Variants in MAN1C1 observed in about 807,000 individuals in gnomAD.
MAN1C1 encodes the protein mannosyl-oligosaccharide 1,2-alpha-mannosidase IC.
MAN1C1 carries 49 observed loss-of-function variants against 71.5 expected under a neutral mutation model. The observed-to-expected ratio is 0.69, with a 90% CI of 0.54 to 0.87. MAN1C1 has a LOEUF of 0.87. Ranked by LOEUF, MAN1C1 falls within the 40% of genes least tolerant of loss-of-function variation. The probability of loss-of-function intolerance (pLI) is 0.00; values close to 1 mark genes in which losing one functional copy is unlikely to be tolerated. For missense variants in MAN1C1, 743 were observed against 835.0 expected (o/e 0.89, Z 1.36); for synonymous variants, 352 against 343.7 (o/e 1.02, Z -0.27).
intron 1 of MAN1C1, among the ~76,000 whole-genome samples, chr1:25,664,062 A>T (rs1258424151): frequency 6.6e-6 from 1 of 151,958 alleles, no homozygotes; most frequent in Non-Finnish European, 1.5e-5. Context: ...CAGAAGGGGG[A>T]TGATCAGGGA....
At chr1:25,653,069 T>C (rs2045716312) in intron 1 of MAN1C1, among the ~76,000 whole-genome samples, 1 of 151,928 alleles carries the variant, frequency 6.6e-6, no homozygotes, top group African/African-American at 2.4e-5. Flanking sequence ...TCCAGCCTGT[T>C]TTTTTGTTTT....
intron 2 of MAN1C1, among the ~76,000 whole-genome samples, chr1:25,737,989 C>T (rs2047006167): frequency 6.6e-6 from 1 of 152,074 alleles, no homozygotes; most frequent in African/African-American, 2.4e-5. Context: ...GTTCTGCACG[C>T]TGTGTCCAGG....
rs139260749 is a variant in MAN1C1 at position 25,782,689 on chromosome 1, G to A, written c.1755G>A (p.Ala585=). The A allele has an allele frequency of 2.4e-5, 38 of 1,613,490 alleles. No individual in the cohort carries two copies. The highest frequency in any genetic ancestry group is 1.6e-4 in the Middle Eastern group (1 of 6,084). Residue 585 remains alanine (A), a synonymous_variant, in exon 11 of 12, where the codon GCG becomes GCA. Transcript: ENST00000374332. The surrounding 1 kb of genome is among the most constrained non-coding windows in gnomAD (Gnocchi z 4.4). ...HDNKQQSFFL[A]ETLKYLYLLF... ...ACAAGCAGCAGAGCTTCTTTCTAGC[G>A]GAGACACTAAAGTGAGCAGTGTGGG...
At chr1:25,693,107 T>G (rs1218245842) in intron 2 of MAN1C1, among the ~76,000 whole-genome samples, 1 of 152,184 alleles carries the variant, frequency 6.6e-6, no homozygotes, top group Non-Finnish European at 1.5e-5. Flanking sequence ...TAATAAAAAG[T>G]TAATACATAT....
chr1:25,748,076 C>A (rs1379199821), intron 3 of MAN1C1, among the ~76,000 whole-genome samples: 1 of 151,852 alleles, frequency 6.6e-6, no homozygotes, highest in Non-Finnish European at 1.5e-5. Flanking sequence ...TCCCCATAGG[C>A]CTGCCTCGTT....
intron 1 of MAN1C1, among the ~76,000 whole-genome samples, chr1:25,635,798 A>G (rs1431047037): frequency 6.6e-6 from 1 of 152,076 alleles, no homozygotes; most frequent in Non-Finnish European, 1.5e-5. Flanking sequence ...TCCTTCTTTA[A>G]TTCCTGTTAT....
chr1:25,777,149 A>G (rs1291860456), intron 8 of MAN1C1, among the ~76,000 whole-genome samples: 1 of 152,200 alleles, frequency 6.6e-6, no homozygotes, highest in South Asian at 2.1e-4. Flanking sequence ...GGTTCTAAGC[A>G]GGCAGATGAT....
intron 2 of MAN1C1, among the ~76,000 whole-genome samples, chr1:25,729,268 A>C (rs1298321581): frequency 2.0e-5 from 3 of 152,080 alleles, no homozygotes; most frequent in Non-Finnish European, 2.9e-5. Flanking sequence ...TCTGCCTGGA[A>C]TGTCCCCCCT....
chr1:25,765,860 C>T (rs140750118), intron 7 of MAN1C1, among the ~76,000 whole-genome samples: 45 of 152,268 alleles, frequency 3.0e-4, no homozygotes, highest in African/African-American at 1.0e-3. Flanking sequence ...CCGTAAAAAC[C>T]ACTTAGAGAA....
At chr1:25,689,155 A>T (rs1212134996) in intron 2 of MAN1C1, among the ~76,000 whole-genome samples, 2 of 152,102 alleles carry the variant, frequency 1.3e-5, no homozygotes. Context: ...GGATACAGGG[A>T]TAAATGGGAC....
chr1:25,762,127 CT>C lies in MAN1C1; in HGVS notation c.1048-1730del, dbSNP rs869136886. 8.7e-4 allele frequency among the ~76,000 whole-genome samples: 24 copies of C among 27,672 alleles called. 1 individual carries two copies. The highest frequency in any genetic ancestry group is 1.3e-3 in the Non-Finnish European group (19 of 15,160). 18.2% of individuals were successfully genotyped at this position (27,672 alleles called of 152,430 possible). ...CATTTTCTTTCTTTTCTTTTCTTTT[CT>C]TTTTTTTTTTTTTTTTGAGGCAGAG... On this transcript the variant is annotated intron_variant, in intron 6 of 11. Coordinates refer to ENST00000374332, the MANE Select transcript of MAN1C1 (RefSeq NM_020379.4).
At chr1:25,633,696 A>G (rs1400031115) in intron 1 of MAN1C1, among the ~76,000 whole-genome samples, 3 of 152,206 alleles carry the variant, frequency 2.0e-5, no homozygotes, top group Non-Finnish European at 4.4e-5. Context: ...TCTCTTAAAG[A>G]CAGCAGATAT....
At chr1:25,670,651 T>C (rs17162850) in intron 1 of MAN1C1, among the ~76,000 whole-genome samples, 13,245 of 152,236 alleles carry the variant, frequency 0.087, 1,274 homozygotes, top group East Asian at 0.22. Flanking sequence ...TGTTGGTTCA[T>C]TCATTAGACA....
intron 2 of MAN1C1, among the ~76,000 whole-genome samples, chr1:25,702,719 G>A (rs920226115): frequency 2.6e-5 from 4 of 152,210 alleles, no homozygotes; most frequent in South Asian, 4.1e-4. Flanking sequence ...GGGTAGTTGT[G>A]AAAATCCAAT....
intron 1 of MAN1C1, among the ~76,000 whole-genome samples, chr1:25,679,496 A>C (rs2046115746): frequency 6.6e-6 from 1 of 151,906 alleles, no homozygotes; most frequent in Admixed American, 6.6e-5. Flanking sequence ...AGGAAAATAG[A>C]ATTGTGTAAT....
chr1:25,638,051 T>C (rs2045487751), intron 1 of MAN1C1, among the ~76,000 whole-genome samples: 1 of 152,158 alleles, frequency 6.6e-6, no homozygotes, highest in Admixed American at 6.5e-5. Flanking sequence ...ATTATTTATA[T>C]AACTGGATCT....
intron 2 of MAN1C1, among the ~76,000 whole-genome samples, chr1:25,728,114 A>T (rs1261721598): frequency 1.3e-5 from 2 of 152,196 alleles, no homozygotes; most frequent in South Asian, 2.1e-4. Context: ...CGGCTCAGCT[A>T]TTTGAGGAGC....
At chr1:25,768,354 C>T (rs372524531) in intron 7 of MAN1C1, among the ~76,000 whole-genome samples, 1 of 133,406 alleles carries the variant, frequency 7.5e-6, no homozygotes, top group South Asian at 2.6e-4. Context: ...ACCACACACA[C>T]ACATTACATA....
intron 2 of MAN1C1, among the ~76,000 whole-genome samples, chr1:25,739,931 C>T (rs148613853): frequency 7.9e-5 from 12 of 152,258 alleles, no homozygotes; most frequent in East Asian, 7.7e-4. Flanking sequence ...GTTGTGAATG[C>T]GCCACAGCCC....
Sources: gnomAD v4.1 joint callset for allele counts (sites outside exome capture counted in the v4.1 genomes callset) on GRCh38, gnomAD v4.1.1 for gene constraint, Gnocchi (gnomAD v3.1) non-coding constraint, MANE v1.5 for transcripts, NCBI Gene and HGNC (gene_info 2026-07-23, HGNC 2026-07-21) for gene names.